The following YPEL2 variants were observed in gnomAD, a reference collection of about 807,000 sequenced individuals.
The protein encoded by YPEL2 is yippee like 2, also known as protein yippee-like 2.
In YPEL2, 2 loss-of-function variants were observed where a neutral mutation model predicts 19.1. The observed-to-expected ratio is 0.10, with a 90% CI of 0.04 to 0.33. The LOEUF is 0.33. Ranked by LOEUF, YPEL2 falls within the 10% of genes least tolerant of loss-of-function variation. The pLI is 1.00. For missense variants in YPEL2, 66 were observed against 140.7 expected, an observed-to-expected ratio of 0.47 and a Z score of 2.68; for synonymous variants, 52 against 50.0, an observed-to-expected ratio of 1.04 and a Z score of -0.17.
intron 4 of YPEL2, among the ~76,000 whole-genome samples, chr17:59,396,643 G>A (rs2048040772): frequency 6.6e-6 from 1 of 152,228 alleles, no homozygotes; most frequent in Admixed American, 6.5e-5. Flanking sequence ...CGCTTGAGGG[G>A]TAGGAATCAT....
rs148713572 is a variant in YPEL2, at chr17:59,381,249, G to A, written c.118-7078G>A. 2.3e-3 allele frequency among the ~76,000 whole-genome samples: 351 copies of A among 152,310 alleles called. 1 individual carries two copies. The highest frequency in any genetic ancestry group is 8.0e-3 in the African/African-American group (332 of 41,560). On this transcript the variant is annotated intron_variant, in intron 2 of 4. Coordinates refer to ENST00000312655, the MANE Select transcript of YPEL2 (RefSeq NM_001005404.4). ...AGACTAGATCCTCTTACACCGTGCA[G>A]ATATGCAAGGGATCACCTAGTTCCC...
chr17:59,342,286 A>G (rs1000889917), intron 1 of YPEL2, among the ~76,000 whole-genome samples: 1 of 152,346 alleles, frequency 6.6e-6, no homozygotes, highest in African/African-American at 2.4e-5. Context: ...TCTACAACAC[A>G]TTCATGTATT....
chr17:59,336,171 C>CT (rs1297464374), intron 1 of YPEL2, among the ~76,000 whole-genome samples: 2 of 152,158 alleles, frequency 1.3e-5, no homozygotes, highest in African/African-American at 2.4e-5. Flanking sequence ...AGGAAATATA[C>CT]TTTAAGAGGA....
intron 1 of YPEL2, among the ~76,000 whole-genome samples, chr17:59,342,528 C>T (rs1288549415): frequency 5.9e-5 from 9 of 152,160 alleles, no homozygotes; most frequent in Non-Finnish European, 2.9e-5. Context: ...GGCTGTTTTT[C>T]ATTATACTTT....
At chr17:59,390,633 G>A (rs1598053294) in intron 4 of YPEL2, among the ~76,000 whole-genome samples, 1 of 152,224 alleles carries the variant, frequency 6.6e-6, no homozygotes, top group African/African-American at 2.4e-5. Context: ...AGCAAAAAAT[G>A]TTAAGGTCCC....
intron 1 of YPEL2, among the ~76,000 whole-genome samples, chr17:59,340,351 C>T (rs373941265): frequency 6.6e-6 from 1 of 152,022 alleles, no homozygotes; most frequent in Non-Finnish European, 1.5e-5. Context: ...TCAGGTGATC[C>T]ACCCGCCTTG....
chr17:59,342,321 C>T (rs534152244), intron 1 of YPEL2, among the ~76,000 whole-genome samples: 33 of 152,290 alleles, frequency 2.2e-4, no homozygotes, highest in African/African-American at 7.9e-4. Flanking sequence ...ATGTGGGAAA[C>T]ACAGATGACA....
At chr17:59,335,260 A>C (rs1480661376) in intron 1 of YPEL2, among the ~76,000 whole-genome samples, 1 of 152,200 alleles carries the variant, frequency 6.6e-6, no homozygotes, top group Non-Finnish European at 1.5e-5. Flanking sequence ...AGCTGTGGAT[A>C]TAGCACTGGA....
At chr17:59,333,050 C>T (rs1288637673) in intron 1 of YPEL2, among the ~76,000 whole-genome samples, 2 of 152,234 alleles carry the variant, frequency 1.3e-5, no homozygotes, top group Non-Finnish European at 1.5e-5. Context: ...TTCAGTAAAC[C>T]GCCTCACTGG....
At chr17:59,379,971 C>G (rs1337018897) in intron 2 of YPEL2, among the ~76,000 whole-genome samples, 1 of 151,198 alleles carries the variant, frequency 6.6e-6, no homozygotes, top group African/African-American at 2.4e-5. Context: ...CGTGATTTTC[C>G]TGCCTCAGCC....
In YPEL2 at chr17:59,353,287, G is replaced by T; in HGVS notation, c.-123G>T. ...AAGACATCACCAGTGTGTGGAGCCT[G>T]CCACACCCACCCGCTGCCAAACCAC... On this transcript the variant is annotated 5_prime_UTR_variant, in exon 2 of 5. Coordinates refer to ENST00000312655, the MANE Select transcript of YPEL2 (RefSeq NM_001005404.4). The surrounding 1 kb of genome is among the most constrained non-coding windows in gnomAD (Gnocchi z 4.8). The T allele has an allele frequency of 1.5e-6, 1 of 683,280 alleles. No individual in the cohort carries two copies. The highest frequency in any genetic ancestry group is 2.6e-5 in the Admixed American group (1 of 38,628). The allele number at this position is 683,280 out of a possible 1,614,324, so 42.3% of individuals were successfully genotyped here. A position where few individuals can be genotyped will look rare whatever the true frequency, so the allele number is the denominator to read the frequency against.
intron 2 of YPEL2, among the ~76,000 whole-genome samples, chr17:59,372,939 T>C (rs551601946): frequency 6.6e-6 from 1 of 152,232 alleles, no homozygotes; most frequent in South Asian, 2.1e-4. Context: ...AATGGCATGG[T>C]CTCGGCTCAC....
intron 4 of YPEL2, among the ~76,000 whole-genome samples, chr17:59,391,418 GA>G (rs1020110928): frequency 2.0e-5 from 3 of 151,714 alleles, no homozygotes; most frequent in Non-Finnish European, 2.9e-5. Context: ...CATCTTTTGG[GA>G]AAAAAATATA....
intron 2 of YPEL2, among the ~76,000 whole-genome samples, chr17:59,377,037 C>G (rs1046187779): frequency 2.0e-5 from 3 of 151,122 alleles, no homozygotes; most frequent in African/African-American, 7.3e-5. Flanking sequence ...ATGTGGCTTC[C>G]ATTGTGGAGG....
intron 1 of YPEL2, among the ~76,000 whole-genome samples, chr17:59,344,833 T>C (rs918606137): frequency 2.6e-5 from 4 of 152,230 alleles, no homozygotes; most frequent in African/African-American, 9.6e-5. Flanking sequence ...ATCCTGGTTA[T>C]GATAAATGAT....
At chr17:59,354,050 A>G in intron 2 of YPEL2, 1 of 195,336 alleles carries the variant, frequency 5.1e-6, no homozygotes, top group African/African-American at 2.3e-5. Context: ...TAGGGCTCAT[A>G]CATGAGGTAA....
intron 1 of YPEL2, among the ~76,000 whole-genome samples, chr17:59,334,192 G>A (rs1282941169): frequency 2.0e-5 from 3 of 152,140 alleles, no homozygotes; most frequent in East Asian, 1.9e-4. Context: ...GATGAGTTGC[G>A]TGAGTTGCTG....
chr17:59,333,608 A>G (rs912674727), intron 1 of YPEL2, among the ~76,000 whole-genome samples: 2 of 152,110 alleles, frequency 1.3e-5, no homozygotes, highest in African/African-American at 4.8e-5. Context: ...TCTGTTTTAA[A>G]GGTTTTTTTT....
intron 2 of YPEL2, among the ~76,000 whole-genome samples, chr17:59,358,759 G>A (rs1012316777): frequency 2.0e-5 from 3 of 151,564 alleles, no homozygotes; most frequent in Non-Finnish European, 4.4e-5. Context: ...ATAGGCGCCC[G>A]CCTCCACGCC....
Sources: allele counts gnomAD v4.1 joint callset (sites outside exome capture counted in the v4.1 genomes callset), GRCh38; gene constraint gnomAD v4.1.1; non-coding constraint Gnocchi (gnomAD v3.1); transcripts MANE v1.5; gene names NCBI Gene and HGNC (gene_info 2026-07-23, HGNC 2026-07-21).